ANKRD44: variants seen among roughly 807,000 people sequenced by gnomAD.
ANKRD44 encodes the protein ankyrin repeat domain 44.
Under a neutral mutation model 116.0 loss-of-function variants are expected in ANKRD44, and 35 were observed. That is an observed-to-expected ratio of 0.30 (90% CI 0.23 to 0.40). ANKRD44 has a LOEUF of 0.40. Ranked by LOEUF, ANKRD44 falls within the 10% of genes least tolerant of loss-of-function variation. The probability of loss-of-function intolerance (pLI) is 1.00; values close to 1 mark genes in which losing one functional copy is unlikely to be tolerated. For synonymous variants in ANKRD44, 435 were observed against 461.8 expected, an observed-to-expected ratio of 0.94 and a Z score of 0.74; for missense variants, 1,014 against 1,242.6, an observed-to-expected ratio of 0.82 and a Z score of 2.77.
At chr2:197,037,446 G>C (rs2076828932) in intron 16 of ANKRD44, among the ~76,000 whole-genome samples, 2 of 152,110 alleles carry the variant, frequency 1.3e-5, no homozygotes, top group Non-Finnish European at 2.9e-5. Flanking sequence ...AATTCCTTAG[G>C]GGCAGGGACT....
intron 1 of ANKRD44, among the ~76,000 whole-genome samples, chr2:197,209,027 T>A (rs1010601055): frequency 3.3e-5 from 5 of 152,190 alleles, no homozygotes; most frequent in Non-Finnish European, 7.4e-5. Flanking sequence ...CAGGCAAGAC[T>A]ATTAGAGGTA....
chr2:197,179,030 C>A (rs1286315142), intron 2 of ANKRD44, among the ~76,000 whole-genome samples: 1 of 151,758 alleles, frequency 6.6e-6, no homozygotes, highest in East Asian at 1.9e-4. Flanking sequence ...ATAACCACAC[C>A]ACCGCACTCC....
intron 17 of ANKRD44, among the ~76,000 whole-genome samples, chr2:197,018,057 C>A (rs1215665641): frequency 6.6e-6 from 1 of 152,232 alleles, no homozygotes; most frequent in Non-Finnish European, 1.5e-5. Context: ...CATTTCTATT[C>A]TTTCTTTAAA....
rs990355786 is a variant in ANKRD44 at position 197,026,751 on chromosome 2, A to C, written c.1651-1484T>G. Among the ~76,000 whole-genome samples the C allele has an allele frequency of 7.9e-5, 12 of 152,234 alleles. No homozygotes were observed. In the South Asian group the frequency reaches 2.3e-3, roughly 29 times the overall value. ...GAGACAAAGGTGGGAGCACAGAGAC[A>C]ATTTAGGAGCTGGGGCAATAGTCCA... On this transcript the variant is annotated intron_variant, in intron 16 of 27. Coordinates refer to ENST00000282272, the MANE Select transcript of ANKRD44 (RefSeq NM_001195144.2).
chr2:197,003,429 G>C (rs2076149338), intron 21 of ANKRD44, among the ~76,000 whole-genome samples: 1 of 152,140 alleles, frequency 6.6e-6, no homozygotes, highest in Admixed American at 6.5e-5. Context: ...CTAGCTTAGG[G>C]TAGCATCCAC....
chr2:197,196,246 T>A (rs562951446), intron 1 of ANKRD44, among the ~76,000 whole-genome samples: 2 of 152,312 alleles, frequency 1.3e-5, no homozygotes, highest in African/African-American at 4.8e-5. Context: ...ACTTTAGTGA[T>A]CTTTGTGGGG....
At chr2:197,294,337 T>TTATA (rs2083655292) in intron 1 of ANKRD44, among the ~76,000 whole-genome samples, 1 of 152,154 alleles carries the variant, frequency 6.6e-6, no homozygotes, top group African/African-American at 2.4e-5. Flanking sequence ...GTTTCACTTC[T>TTATA]GAGAAAAGTG....
intron 16 of ANKRD44, among the ~76,000 whole-genome samples, chr2:197,063,542 C>G (rs1438435410): frequency 2.0e-5 from 3 of 152,060 alleles, no homozygotes; most frequent in African/African-American, 7.2e-5. Context: ...CGCAAAGAAG[C>G]TAAAAACCTT....
intron 1 of ANKRD44, among the ~76,000 whole-genome samples, chr2:197,233,809 T>C (rs1313579964): frequency 1.3e-5 from 2 of 152,234 alleles, no homozygotes; most frequent in Non-Finnish European, 2.9e-5. Flanking sequence ...AAAGCTGGGA[T>C]GATGGAGGGA....
At chr2:197,153,893 G>A (rs1322051212) in intron 2 of ANKRD44, among the ~76,000 whole-genome samples, 1 of 152,040 alleles carries the variant, frequency 6.6e-6, no homozygotes, top group Admixed American at 6.6e-5. Context: ...TGGGAAGGAG[G>A]AAAGGGATTA....
intron 21 of ANKRD44, 100 bp downstream of exon 21, chr2:197,005,594 C>T: frequency 9.1e-7 from 1 of 1,095,488 alleles, no homozygotes; most frequent in Non-Finnish European, 1.3e-6. Context: ...GATTAGAAAC[C>T]ATGGTTTGCA....
downstream of ANKRD44, among the ~76,000 whole-genome samples, chr2:196,982,165 G>C (rs919898678): frequency 2.2e-5 from 3 of 133,574 alleles, no homozygotes; most frequent in Non-Finnish European, 4.8e-5. Context: ...GATTTTATTT[G>C]AGAGTAATAT....
At chr2:197,290,785 GTTTT>G (rs959935525) in intron 1 of ANKRD44, among the ~76,000 whole-genome samples, 3 of 151,790 alleles carry the variant, frequency 2.0e-5, no homozygotes, top group Non-Finnish European at 4.4e-5. Flanking sequence ...AAGATAATCA[GTTTT>G]TTTGTTTGTT....
At chr2:197,108,215 C>A (rs529770321) in intron 9 of ANKRD44, among the ~76,000 whole-genome samples, 1 of 152,264 alleles carries the variant, frequency 6.6e-6, no homozygotes, top group South Asian at 2.1e-4. Flanking sequence ...CAAGTGACAA[C>A]CTCTCTGCCT....
At chr2:197,059,563 C>T (rs913862418) in intron 16 of ANKRD44, among the ~76,000 whole-genome samples, 1 of 152,150 alleles carries the variant, frequency 6.6e-6, no homozygotes, top group Admixed American at 6.6e-5. Flanking sequence ...AGAAGCAGCA[C>T]AGATTCAAGT....
chr2:197,015,406 G>C (rs972650514), intron 17 of ANKRD44: 1 of 577,496 alleles, frequency 1.7e-6, no homozygotes, highest in African/African-American at 1.9e-5. Context: ...TGTAACTTTT[G>C]ATGATCATGC....
At chr2:196,979,325 G>T (rs2125863709) in intron 21 of ANKRD44, among the ~76,000 whole-genome samples, 1 of 143,190 alleles carries the variant, frequency 7.0e-6, no homozygotes, top group East Asian at 2.2e-4. Flanking sequence ...GGAGCTTGCA[G>T]TGAGCCAAGA....
At chr2:197,220,379 A>G (rs1005042890) in intron 1 of ANKRD44, among the ~76,000 whole-genome samples, 8 of 152,214 alleles carry the variant, frequency 5.3e-5, no homozygotes, top group African/African-American at 1.9e-4. Context: ...TAGCCTAGAA[A>G]ATGGGTTCTC....
At chr2:197,044,740 G>A (rs946946151) in intron 16 of ANKRD44, among the ~76,000 whole-genome samples, 1 of 152,022 alleles carries the variant, frequency 6.6e-6, no homozygotes, top group Non-Finnish European at 1.5e-5. Context: ...AACACACCAA[G>A]CACAAACTGA....
Sources: allele counts gnomAD v4.1 joint callset (sites outside exome capture counted in the v4.1 genomes callset), GRCh38; gene constraint gnomAD v4.1.1; transcripts MANE v1.5; gene names NCBI Gene and HGNC (gene_info 2026-07-23, HGNC 2026-07-21).